Variants in LRRC1 observed in about 807,000 individuals in gnomAD.
LRRC1 encodes the protein leucine-rich repeat-containing protein 1.
Under a neutral mutation model 69.9 loss-of-function variants are expected in LRRC1, and 28 were observed. The observed-to-expected ratio is 0.40, with a 90% CI of 0.30 to 0.55. The LOEUF (loss-of-function observed/expected upper bound fraction) is 0.55. Ranked by LOEUF, LRRC1 falls within the 20% of genes least tolerant of loss-of-function variation. The probability of loss-of-function intolerance (pLI) is 0.47; values close to 1 mark genes in which losing one functional copy is unlikely to be tolerated. For missense variants in LRRC1, 498 were observed against 609.0 expected (o/e 0.82, Z 1.92); for synonymous variants, 236 against 240.2 (o/e 0.98, Z 0.16).
chr6:53,844,975 C>CG (rs1440631058), intron 2 of LRRC1, among the ~76,000 whole-genome samples: 1 of 152,088 alleles, frequency 6.6e-6, no homozygotes, highest in South Asian at 2.1e-4. Flanking sequence ...GAGGCCAAGG[C>CG]GGGGGGATCA....
chr6:53,822,721 C>G (rs1765150254), intron 1 of LRRC1, among the ~76,000 whole-genome samples: 1 of 152,192 alleles, frequency 6.6e-6, no homozygotes, highest in African/African-American at 2.4e-5. Flanking sequence ...ACTAAATTCT[C>G]TCTCACTCAG....
intron 1 of LRRC1, among the ~76,000 whole-genome samples, chr6:53,836,079 A>G (rs941505388): frequency 3.3e-5 from 5 of 152,308 alleles, no homozygotes; most frequent in African/African-American, 1.2e-4. Flanking sequence ...AGCTTCATAT[A>G]AGAAAGCCAC....
rs556027730 is a variant in LRRC1, at chr6:53,826,697, C to T, written c.160-15413C>T. On this transcript the variant is annotated intron_variant, in intron 1 of 13. Coordinates refer to ENST00000370888, the MANE Select transcript of LRRC1 (RefSeq NM_018214.5). ...TCAACCTTATTTTCATTAGGTCCCC[C>T]TCCATGCCTCTTTAGACATACATTT... Among the ~76,000 whole-genome samples the T allele has an allele frequency of 4.5e-4, 68 of 152,276 alleles. 2 individuals are homozygous for T. In the South Asian group the frequency reaches 0.014, roughly 31 times the overall value.
At chr6:53,883,992 G>C (rs1207973506) in intron 4 of LRRC1, 1 of 717,938 alleles carries the variant, frequency 1.4e-6, no homozygotes, top group Non-Finnish European at 2.6e-6. Context: ...CAGCAAGTTG[G>C]TGTTTTTCTG....
chr6:53,912,300 C>G lies in LRRC1; in HGVS notation c.991-1554C>G, dbSNP rs118136198. On this transcript the variant is annotated intron_variant, in intron 10 of 13. Transcript: ENST00000370888. Reference sequence around the variant, plus strand: ...ATGCGTGTTATTATATGGACCAAAGCGTTCTGTGAAGACTCAATGGAGGAA... The same window carrying G: ...ATGCGTGTTATTATATGGACCAAAGGGTTCTGTGAAGACTCAATGGAGGAA... Among the ~76,000 whole-genome samples, 475 of 152,176 alleles carry G rather than the reference C, an allele frequency of 3.1e-3. 7 individuals carry two copies. In the East Asian group the frequency reaches 0.041, roughly 13 times the overall value.
chr6:53,914,565 G>A (rs1451669262), intron 11 of LRRC1, among the ~76,000 whole-genome samples: 1 of 152,306 alleles, frequency 6.6e-6, no homozygotes, highest in East Asian at 1.9e-4. Flanking sequence ...TCAAGTTCCG[G>A]AGCAGAGGTC....
chr6:53,821,884 T>G (rs1430485656), intron 1 of LRRC1, among the ~76,000 whole-genome samples: 1 of 60,606 alleles, frequency 1.7e-5, no homozygotes, highest in Non-Finnish European at 3.6e-5. Context: ...TGCTAGTTTT[T>G]TTTTTTTTTT....
At chr6:53,919,744 CT>C in intron 12 of LRRC1, 74 bp downstream of exon 12, 1 of 1,328,992 alleles carries the variant, frequency 7.5e-7, no homozygotes, top group Non-Finnish European at 1.0e-6. Context: ...CATAAGGCCT[CT>C]TACTCCCTCA....
intron 4 of LRRC1, among the ~76,000 whole-genome samples, chr6:53,886,520 A>G (rs555187396): frequency 2.6e-5 from 4 of 152,332 alleles, no homozygotes; most frequent in Admixed American, 6.5e-5. Flanking sequence ...TTCAAAGACA[A>G]TCATGAATAG....
At chr6:53,840,305 C>T (rs756581269) in intron 1 of LRRC1, among the ~76,000 whole-genome samples, 1 of 152,082 alleles carries the variant, frequency 6.6e-6, no homozygotes, top group Non-Finnish European at 1.5e-5. Flanking sequence ...GAAGGCATTG[C>T]TTTATTGCCC....
rs937813511 is a variant in LRRC1 at position 53,897,302 on chromosome 6, C to T, written c.585C>T (p.Ala195=). 2.5e-6 allele frequency: 4 copies of T among 1,611,120 alleles called. No individual in the cohort carries two copies. Among genetic ancestry groups the T allele is most frequent in the African/African-American group, 1.3e-5 (1 of 74,794 alleles). Residue 195 remains alanine, a synonymous_variant, in exon 7 of 14, where the codon GCC becomes GCT. Transcript: ENST00000370888. ...EIYNLPESIG[A]LLHLKDLWLD... is the part of the protein sequence containing the mutation. The stretch of plus-strand genomic sequence containing the variant: ...TGTTTTAGCCAGAATCAATTGGAGC[C>T]CTCTTACATCTAAAAGATCTCTGGT...
At chr6:53,906,055 T>G (rs192696022) in intron 10 of LRRC1, among the ~76,000 whole-genome samples, 12 of 152,356 alleles carry the variant, frequency 7.9e-5, no homozygotes, top group Admixed American at 6.5e-4. Flanking sequence ...TAGAAAATAT[T>G]TCTTTCTTTC....
At chr6:53,813,102 G>A (rs1764844503) in intron 1 of LRRC1, among the ~76,000 whole-genome samples, 1 of 152,058 alleles carries the variant, frequency 6.6e-6, no homozygotes, top group Non-Finnish European at 1.5e-5. Context: ...GAGAGAGAAG[G>A]GAGTTCCAGA....
At chr6:53,902,391 G>A (rs1288919755) in intron 8 of LRRC1, among the ~76,000 whole-genome samples, 1 of 151,940 alleles carries the variant, frequency 6.6e-6, no homozygotes, top group Non-Finnish European at 1.5e-5. Flanking sequence ...ATGTTTTTAT[G>A]CTTTTTAAAA....
In LRRC1 at chr6:53,795,228, G is replaced by A; in HGVS notation, c.-29G>A. On this transcript the variant is annotated 5_prime_UTR_variant, in exon 1 of 14. Transcript: ENST00000370888. ...CGGAGCCCGGGTCTCCGCCGCTCGG[G>A]ACCCGGCTAGGCGGCGGCGGGGGCG... 2 of 1,581,188 alleles carry A rather than the reference G, an allele frequency of 1.3e-6. No individual in the cohort carries two copies. Among genetic ancestry groups the A allele is most frequent in the African/African-American group, 1.3e-5 (1 of 74,490 alleles).
In LRRC1 at chr6:53,922,986, C is replaced by T; in HGVS notation, c.*193C>T. On this transcript the variant is annotated 3_prime_UTR_variant, in exon 14 of 14. Transcript: ENST00000370888. ...CAACCAGTCAGCGCACCAGTGGTCT[C>T]CCGGTGTGATTTTTTTTTTTTTTAA... The T allele has an allele frequency of 4.2e-6, 2 of 480,786 alleles. No homozygotes were observed. The highest frequency in any genetic ancestry group is 3.6e-5 in the Admixed American group (1 of 27,928). The allele number at this position is 480,786 out of a possible 1,614,324, so 29.8% of individuals were successfully genotyped here.
At chr6:53,814,470 C>G (rs6458959) in intron 1 of LRRC1, among the ~76,000 whole-genome samples, 1 of 152,038 alleles carries the variant, frequency 6.6e-6, no homozygotes, top group African/African-American at 2.4e-5. Context: ...AGGTATTTAC[C>G]TTTGATGGTT....
At chr6:53,884,324 A>G (rs979275053) in intron 4 of LRRC1, among the ~76,000 whole-genome samples, 12 of 151,936 alleles carry the variant, frequency 7.9e-5, no homozygotes, top group African/African-American at 2.9e-4. Context: ...GGGCAACATG[A>G]CGATAACCCA....
At chr6:53,921,320 A>G (rs577323859) in intron 13 of LRRC1, among the ~76,000 whole-genome samples, 1 of 152,140 alleles carries the variant, frequency 6.6e-6, no homozygotes, top group Non-Finnish European at 1.5e-5. Flanking sequence ...TTTATTTGTA[A>G]TAGTTTCCCC....
Sources: gnomAD v4.1 joint callset for allele counts (sites outside exome capture counted in the v4.1 genomes callset) on GRCh38, gnomAD v4.1.1 for gene constraint, MANE v1.5 for transcripts, NCBI Gene and HGNC (gene_info 2026-07-23, HGNC 2026-07-21) for gene names.